The following FAM20A variants were observed in gnomAD, a reference collection of about 807,000 sequenced individuals.
FAM20A encodes pseudokinase FAM20A.
FAM20A carries 42 observed loss-of-function variants against 52.0 expected under a neutral mutation model. The observed-to-expected ratio is 0.81, with a 90% CI of 0.63 to 1.04. The LOEUF (loss-of-function observed/expected upper bound fraction) is 1.04, where lower values mean the gene tolerates loss of function less well. Ranked by LOEUF, FAM20A falls within the 50% of genes least tolerant of loss-of-function variation. FAM20A has a pLI of 0.00. For missense variants in FAM20A, 742 were observed against 712.7 expected (o/e 1.04, Z -0.47); for synonymous variants, 304 against 298.9 (o/e 1.02, Z -0.18).
chr17:68,576,689 A>G (rs2087779322), intron 1 of FAM20A, among the ~76,000 whole-genome samples: 1 of 152,228 alleles, frequency 6.6e-6, no homozygotes, highest in South Asian at 2.1e-4. Flanking sequence ...TTGGGGACCT[A>G]GGGACAAAAC....
chr17:68,563,420 C>T (rs1405238622), intron 1 of FAM20A, among the ~76,000 whole-genome samples: 1 of 151,114 alleles, frequency 6.6e-6, no homozygotes, highest in African/African-American at 2.4e-5. Context: ...GATGCAAACC[C>T]CTTCCTGATG....
chr17:68,596,201 C>CCACACACACACACA (rs140687859), intron 1 of FAM20A, among the ~76,000 whole-genome samples: 4,107 of 149,526 alleles, frequency 0.027, 82 homozygotes, highest in African/African-American at 0.035. Flanking sequence ...ATGTGGGAAA[C>CCACACACACACACA]CACACACACA....
At chr17:68,580,733 G>A (rs2087920026) in intron 1 of FAM20A, among the ~76,000 whole-genome samples, 1 of 152,178 alleles carries the variant, frequency 6.6e-6, no homozygotes, top group African/African-American at 2.4e-5. Flanking sequence ...GTGTGAATGA[G>A]GAAAATAGCT....
intron 1 of FAM20A, among the ~76,000 whole-genome samples, chr17:68,597,221 CA>C (rs542367925): frequency 0.056 from 7,429 of 132,148 alleles, 574 homozygotes; most frequent in African/African-American, 0.18. Flanking sequence ...GTCAAAATTA[CA>C]AAAAAAAAAA....
chr17:68,593,809 A>G (rs963240173), intron 1 of FAM20A, among the ~76,000 whole-genome samples: 4 of 152,236 alleles, frequency 2.6e-5, no homozygotes, highest in African/African-American at 9.6e-5. Context: ...ATGAAGCTCC[A>G]GACAGCTTCC....
chr17:68,537,259 G>A lies in FAM20A; in HGVS notation c.*218C>T. 1.4e-6 allele frequency: 1 copy of A among 705,232 alleles called. No individual in the cohort carries two copies. The highest frequency in any genetic ancestry group is 1.5e-5 in the South Asian group (1 of 66,880). 43.7% of individuals were successfully genotyped at this position (705,232 alleles called of 1,614,324 possible). A position where few individuals can be genotyped will look rare whatever the true frequency, so the allele number is the denominator to read the frequency against. On this transcript the variant is annotated 3_prime_UTR_variant, in exon 11 of 11. Transcript: ENST00000592554. This position sits in a 1 kb window ranked among gnomAD's most constrained non-coding sequence, Gnocchi z 4.2. ...GGCCTTGATGAAGCCAGTGCTTTTTGGGAAAAACGGAGCAAGGCAACGCAC... is the reference window on the plus strand; with the variant it reads ...GGCCTTGATGAAGCCAGTGCTTTTTAGGAAAAACGGAGCAAGGCAACGCAC...
At position 68,600,067 on chromosome 17, in the gene FAM20A, C is replaced by G. The variant is rs2088568607; in HGVS notation, c.404+196G>C. Among the ~76,000 whole-genome samples the G allele has an allele frequency of 6.6e-6, 1 of 152,218 alleles. No individual in the cohort carries two copies. Among genetic ancestry groups the G allele is most frequent in the Non-Finnish European group, 1.5e-5 (1 of 68,044 alleles). ...AACTTTTTCCTCGTACTATCTGACT[C>G]CGGGACTGGACTGTGAGGTCTGCAA... On this transcript the variant is annotated intron_variant, in intron 1 of 10. Coordinates refer to ENST00000592554, the MANE Select transcript of FAM20A (RefSeq NM_017565.4). This position sits in a 1 kb window ranked among gnomAD's most constrained non-coding sequence, Gnocchi z 6.2.
chr17:68,581,350 T>TTTTCTTTCTTTCTTACTTTC (rs2087943532), intron 1 of FAM20A, among the ~76,000 whole-genome samples: 2 of 92,218 alleles, frequency 2.2e-5, no homozygotes, highest in African/African-American at 9.5e-5. Context: ...GAAATGCAGT[T>TTTTCTTTCTTTCTTACTTTC]TTTCTTTCTT....
Position 68,555,753 on chromosome 17 carries a change from C to T in FAM20A, c.405-10G>A. On this transcript the variant is annotated splice_polypyrimidine_tract_variant and intron_variant, in intron 1 of 10. Transcript: ENST00000592554. The stretch of plus-strand genomic sequence containing the variant: ...GTACATCTTGTGTCGCCTGAAAGAG[C>T]CAGATAGTTGTTCATTAGAGGAACA... 7.4e-6 allele frequency: 12 copies of T among 1,614,018 alleles called. No homozygotes were observed. Among genetic ancestry groups the T allele is most frequent in the Non-Finnish European group, 1.0e-5 (12 of 1,180,028 alleles).
intron 1 of FAM20A, among the ~76,000 whole-genome samples, chr17:68,594,294 G>C (rs999435591): frequency 3.0e-4 from 46 of 151,984 alleles, no homozygotes; most frequent in African/African-American, 1.1e-3. Context: ...AGCTACTCGG[G>C]AGGCTGAGGC....
chr17:68,579,579 T>C (rs1233010872), intron 1 of FAM20A, among the ~76,000 whole-genome samples: 2 of 152,038 alleles, frequency 1.3e-5, no homozygotes, highest in Admixed American at 1.3e-4. Context: ...TGAGTGAGAG[T>C]AGGGTAGGTT....
intron 3 of FAM20A, among the ~76,000 whole-genome samples, chr17:68,554,198 T>G (rs2086989276): frequency 6.6e-6 from 1 of 152,040 alleles, no homozygotes; most frequent in African/African-American, 2.4e-5. Flanking sequence ...TGGCACGATC[T>G]CAGTTCACTG....
intron 1 of FAM20A, among the ~76,000 whole-genome samples, chr17:68,561,242 C>T (rs895846822): frequency 2.6e-4 from 39 of 152,192 alleles, no homozygotes; most frequent in Admixed American, 6.5e-4. Context: ...CAAACCAAAG[C>T]ATGGTTTCCT....
At chr17:68,584,697 C>T (rs2088118652) in intron 1 of FAM20A, among the ~76,000 whole-genome samples, 1 of 152,200 alleles carries the variant, frequency 6.6e-6, no homozygotes, top group African/African-American at 2.4e-5. Context: ...GAGGAAGAAG[C>T]ATTTTCTTAT....
intron 1 of FAM20A, among the ~76,000 whole-genome samples, chr17:68,563,337 G>A (rs2087274264): frequency 6.8e-6 from 1 of 147,292 alleles, no homozygotes; most frequent in Non-Finnish European, 1.5e-5. Flanking sequence ...AGTGAGCTGA[G>A]ATCGTGACAC....
At chr17:68,569,384 ACT>A (rs1454900315) in intron 1 of FAM20A, among the ~76,000 whole-genome samples, 1 of 151,886 alleles carries the variant, frequency 6.6e-6, no homozygotes, top group Non-Finnish European at 1.5e-5. Flanking sequence ...TTCCACTGGG[ACT>A]CTCTTTGATC....
chr17:68,546,416 T>A lies in FAM20A; in HGVS notation c.720-2695A>T, dbSNP rs571396926. Among the ~76,000 whole-genome samples the A allele has an allele frequency of 3.2e-4, 49 of 152,150 alleles. No individual in the cohort carries two copies. In the South Asian group the frequency reaches 5.4e-3, roughly 17 times the overall value. On this transcript the variant is annotated intron_variant, in intron 4 of 10. Transcript: ENST00000592554. Reference sequence around the variant, plus strand: ...TTTACCTCCTTCCACGCATCACAAATTTTCTTAATGGCATCTAGAATGGAG... The same window carrying A: ...TTTACCTCCTTCCACGCATCACAAAATTTCTTAATGGCATCTAGAATGGAG...
In FAM20A at chr17:68,581,500, C is replaced by CCT. The variant is rs1568775076; in HGVS notation, c.404+18762_404+18763insAG. Among the ~76,000 whole-genome samples the CCT allele has an allele frequency of 5.2e-4, 52 of 100,062 alleles. 2 individuals are homozygous for CCT. The highest frequency in any genetic ancestry group is 7.4e-4 in the Non-Finnish European group (36 of 48,716). The allele number at this position is 100,062 out of a possible 152,430, so 65.6% of individuals were successfully genotyped here. Reference sequence around the variant, plus strand: ...TTTCTTTCTTTCTTTTTCTTTCTTTCTTCTTTCTCTTTCTCTCCTTTCTTT... The same window carrying CCT: ...TTTCTTTCTTTCTTTTTCTTTCTTTCCTTTCTTTCTCTTTCTCTCCTTTCTTT... On this transcript the variant is annotated intron_variant, in intron 1 of 10. Coordinates refer to ENST00000592554, the MANE Select transcript of FAM20A (RefSeq NM_017565.4).
intron 1 of FAM20A, among the ~76,000 whole-genome samples, chr17:68,599,938 AG>A (rs2088563572): frequency 6.6e-6 from 1 of 152,124 alleles, no homozygotes; most frequent in Non-Finnish European, 1.5e-5. Flanking sequence ...GGAGCGGACG[AG>A]GGAGCGGGAG....
Sources: gnomAD v4.1 joint callset for allele counts (sites outside exome capture counted in the v4.1 genomes callset) on GRCh38, gnomAD v4.1.1 for gene constraint, Gnocchi (gnomAD v3.1) non-coding constraint, MANE v1.5 for transcripts, NCBI Gene and HGNC (gene_info 2026-07-23, HGNC 2026-07-21) for gene names.